HERC3: variants seen among roughly 807,000 people sequenced by gnomAD.
HERC3 encodes probable E3 ubiquitin-protein ligase HERC3.
HERC3 carries 58 observed loss-of-function variants against 129.9 expected under a neutral mutation model. The observed-to-expected ratio is 0.45, with a 90% CI of 0.36 to 0.56. HERC3 has a LOEUF of 0.56. Ranked by LOEUF, HERC3 falls within the 20% of genes least tolerant of loss-of-function variation. HERC3 has a pLI of 0.00. For synonymous variants in HERC3, 430 were observed against 451.0 expected (o/e 0.95, Z 0.59); for missense variants, 835 against 1,244.2 (o/e 0.67, Z 4.95).
chr4:88,633,601 A>G (rs1249216037), intron 3 of HERC3, among the ~76,000 whole-genome samples: 1 of 152,224 alleles, frequency 6.6e-6, no homozygotes, highest in Non-Finnish European at 1.5e-5. Flanking sequence ...TTAACACAAA[A>G]GAAGGCAAGA....
chr4:88,690,568 A>G (rs1227134101), intron 23 of HERC3: 10 of 985,160 alleles, frequency 1.0e-5, no homozygotes, highest in African/African-American at 3.5e-5. Flanking sequence ...CTGCTGAGTC[A>G]TCATAGTGCT....
At chr4:88,667,231 G>T (rs1731142307) in intron 12 of HERC3, 146 bp from the exon 13 acceptor site, 3 of 437,904 alleles carry the variant, frequency 6.9e-6, no homozygotes, top group Admixed American at 4.1e-5. Context: ...TGAGATTTAT[G>T]CAAAGTGTAG....
In HERC3 at chr4:88,669,850, C is replaced by A. The variant is rs770624915; in HGVS notation, c.1634-10C>A. ...ACATGTTGAAATATGTCTTTTCTTTCTTTCTAAAGATAACTGGTGGTCTCA... is the reference window on the plus strand; with the variant it reads ...ACATGTTGAAATATGTCTTTTCTTTATTTCTAAAGATAACTGGTGGTCTCA... On this transcript the variant is annotated splice_polypyrimidine_tract_variant and intron_variant, in intron 14 of 25. Transcript: ENST00000402738. The A allele has an allele frequency of 1.2e-6, 2 of 1,606,170 alleles. No individual in the cohort carries two copies. The highest frequency in any genetic ancestry group is 1.7e-5 in the Admixed American group (1 of 59,282).
intron 3 of HERC3, among the ~76,000 whole-genome samples, chr4:88,611,426 GC>G (rs773181490): frequency 6.6e-6 from 1 of 152,170 alleles, no homozygotes; most frequent in Non-Finnish European, 1.5e-5. Flanking sequence ...CCACAGGAAT[GC>G]TACCCCCAAG....
chr4:88,680,377 G>A (rs1336804874), intron 20 of HERC3, 141 bp downstream of exon 20: 2 of 588,586 alleles, frequency 3.4e-6, no homozygotes, highest in Non-Finnish European at 5.4e-6. Flanking sequence ...TAATTAAAAT[G>A]TTTATCCAGT....
chr4:88,688,603 G>T (rs1173101590), intron 23 of HERC3, among the ~76,000 whole-genome samples: 1 of 152,164 alleles, frequency 6.6e-6, no homozygotes, highest in Non-Finnish European at 1.5e-5. Flanking sequence ...AGTCTATAAA[G>T]CAGGTTCAAG....
intron 9 of HERC3, among the ~76,000 whole-genome samples, chr4:88,657,858 C>T (rs1245711055): frequency 2.6e-5 from 4 of 151,344 alleles, no homozygotes; most frequent in Non-Finnish European, 5.9e-5. Context: ...GTTGTGCTCT[C>T]GGTGGGCACA....
intron 3 of HERC3, among the ~76,000 whole-genome samples, chr4:88,642,144 A>AG (rs1341756656): frequency 1.3e-5 from 2 of 151,048 alleles, no homozygotes; most frequent in African/African-American, 4.9e-5. Context: ...AAAAAAAAAA[A>AG]AAAAAAAAGG....
intron 3 of HERC3, among the ~76,000 whole-genome samples, chr4:88,640,320 A>AC (rs1445074120): frequency 6.6e-6 from 1 of 152,126 alleles, no homozygotes; most frequent in African/African-American, 2.4e-5. Flanking sequence ...ACATGGAACC[A>AC]CCCCAAATGC....
rs978357502 is a variant in HERC3 at position 88,707,839 on chromosome 4, C to A, written c.*879C>A. On this transcript the variant is annotated 3_prime_UTR_variant, in exon 26 of 26. Coordinates refer to ENST00000402738, the MANE Select transcript of HERC3 (RefSeq NM_014606.3). ...AAAGTAGAAATAATAAATTTACTTT[C>A]CCTTTTTCTATCACCTTATGTCCTC... 1.3e-5 allele frequency: 2 copies of A among 152,568 alleles called. No homozygotes were observed. Among genetic ancestry groups the A allele is most frequent in the Non-Finnish European group, 2.9e-5 (2 of 68,034 alleles). The allele number at this position is 152,568 out of a possible 1,614,324, so 9.5% of individuals were successfully genotyped here.
chr4:88,593,426 C>T (rs1422753630), intron 1 of HERC3: 1 of 152,220 alleles, frequency 6.6e-6, no homozygotes, highest in Non-Finnish European at 1.5e-5. Flanking sequence ...AACAGGTGAG[C>T]CTATGGAGAC....
chr4:88,627,904 C>CAAAAA (rs60358778), intron 3 of HERC3, among the ~76,000 whole-genome samples: 12 of 80,912 alleles, frequency 1.5e-4, no homozygotes, highest in Non-Finnish European at 2.3e-4. Flanking sequence ...AACTCCGTCT[C>CAAAAA]AAAAAAAAAA....
chr4:88,562,194 T>C, the HERC3 span, among the ~76,000 whole-genome samples: 3 of 152,142 alleles, frequency 2.0e-5, no homozygotes, highest in Non-Finnish European at 4.4e-5. Flanking sequence ...GCCATTTTAA[T>C]TGGGGTGAGA....
chr4:88,639,372 T>C (rs1380970828), intron 3 of HERC3, among the ~76,000 whole-genome samples: 1 of 152,148 alleles, frequency 6.6e-6, no homozygotes, highest in Non-Finnish European at 1.5e-5. Flanking sequence ...CAAAACAGCA[T>C]GGTACTAGTA....
chr4:88,525,545 CTAACCAGTTATAAATAAAT>C, the HERC3 span, among the ~76,000 whole-genome samples: 1 of 152,156 alleles, frequency 6.6e-6, no homozygotes. Context: ...ACTGGGTTTT[CTAACCAGTTATAAATAAAT>C]TAGTTTCAGT....
the HERC3 span, among the ~76,000 whole-genome samples, chr4:88,569,174 A>G: frequency 6.6e-6 from 1 of 152,166 alleles, no homozygotes; most frequent in Non-Finnish European, 1.5e-5. Flanking sequence ...TCTGGCTAGA[A>G]TTGGTCAAAA....
the HERC3 span, among the ~76,000 whole-genome samples, chr4:88,541,663 G>A: frequency 2.6e-5 from 4 of 152,080 alleles, no homozygotes; most frequent in African/African-American, 7.2e-5. Flanking sequence ...GCACCACATC[G>A]CACTTATTCT....
the HERC3 span, among the ~76,000 whole-genome samples, chr4:88,533,763 A>G: frequency 3.3e-5 from 5 of 152,316 alleles, no homozygotes; most frequent in African/African-American, 1.2e-4. Flanking sequence ...AACTTCATAC[A>G]TAGTCCTAAT....
intron 23 of HERC3, chr4:88,693,508 T>C: frequency 1.0e-6 from 1 of 974,654 alleles, no homozygotes; most frequent in Non-Finnish European, 1.2e-6. Context: ...TCTATTTTAC[T>C]GCTGTTTACC....
Sources: gnomAD v4.1 joint callset for allele counts (sites outside exome capture counted in the v4.1 genomes callset) on GRCh38, gnomAD v4.1.1 for gene constraint, MANE v1.5 for transcripts, NCBI Gene and HGNC (gene_info 2026-07-23, HGNC 2026-07-21) for gene names.